Variants in NTM observed in about 807,000 individuals in gnomAD.
NTM encodes IgLON family member 2.
Under a neutral mutation model 42.1 loss-of-function variants are expected in NTM, and 13 were observed. The ratio of observed to expected loss-of-function variants is 0.31; its 90% CI spans 0.20 to 0.49. NTM has a LOEUF of 0.49. NTM is among the 20% of genes least tolerant of loss of function. The pLI, the probability that NTM is intolerant of heterozygous loss-of-function variation, is 0.99. For missense variants in NTM, 373 were observed against 452.8 expected (o/e 0.82, Z 1.60); for synonymous variants, 187 against 179.2 (o/e 1.04, Z -0.35).
chr11:132,181,155 A>G lies in NTM; in HGVS notation c.401-30867A>G, dbSNP rs545997773. The stretch of plus-strand genomic sequence containing the variant: ...CTTACTGATGATACTTTCTTTACCA[A>G]CTTTTCATGAAACTACTCCCTCTTG... On this transcript the variant is annotated intron_variant, in intron 3 of 8. Coordinates refer to ENST00000683400, the MANE Select transcript of NTM (RefSeq NM_001352005.2). Among the ~76,000 whole-genome samples, 48 of 152,194 alleles carry G rather than the reference A, an allele frequency of 3.2e-4. No individual in the cohort carries two copies. In the South Asian group the frequency reaches 9.6e-3, roughly 30 times the overall value.
In NTM at chr11:131,520,040, A is replaced by G. The variant is rs900516796; in HGVS notation, c.82+149152A>G. ...CTTTCAGGTCTTCATAGGAGGCTGC[A>G]CCTTTAGTTTTATTTCTGGGTTAGT... On this transcript the variant is annotated intron_variant, in intron 1 of 8. Transcript: ENST00000683400. Among the ~76,000 whole-genome samples, 8 of 152,190 alleles carry G rather than the reference A, an allele frequency of 5.3e-5. No homozygotes were observed. The South Asian group carries it at 6.2e-4, about 12-fold the overall frequency.
intron 1 of NTM, among the ~76,000 whole-genome samples, chr11:131,706,800 A>G (rs2076637021): frequency 6.6e-6 from 1 of 152,044 alleles, no homozygotes; most frequent in African/African-American, 2.4e-5. Context: ...ACATGAAAAC[A>G]TAACATACCA....
At chr11:131,524,034 G>A (rs527961477) in intron 1 of NTM, among the ~76,000 whole-genome samples, 24 of 152,150 alleles carry the variant, frequency 1.6e-4, no homozygotes, top group Non-Finnish European at 3.1e-4. Context: ...CTTTGGTCTA[G>A]TTAGCTTCTG....
chr11:131,996,455 C>A (rs1334331549), intron 2 of NTM, among the ~76,000 whole-genome samples: 3 of 152,164 alleles, frequency 2.0e-5, no homozygotes, highest in Admixed American at 1.3e-4. Context: ...GTGCAGTTCC[C>A]TCTACCTGAA....
intron 3 of NTM, among the ~76,000 whole-genome samples, chr11:132,187,526 A>G (rs2078624608): frequency 6.6e-6 from 1 of 152,172 alleles, no homozygotes; most frequent in Non-Finnish European, 1.5e-5. Flanking sequence ...TGAAGGATTC[A>G]TTACAGTGCT....
intron 7 of NTM, among the ~76,000 whole-genome samples, chr11:132,320,607 C>G (rs2095540940): frequency 6.6e-6 from 1 of 152,170 alleles, no homozygotes; most frequent in Non-Finnish European, 1.5e-5. Context: ...GGAGGGGTGC[C>G]CGCCATTGCC....
chr11:132,205,019 A>C (rs2081756570), intron 3 of NTM, among the ~76,000 whole-genome samples: 1 of 152,204 alleles, frequency 6.6e-6, no homozygotes, highest in Admixed American at 6.5e-5. Context: ...TGGAAGCCAG[A>C]AAGGTTAAGA....
intron 1 of NTM, among the ~76,000 whole-genome samples, chr11:131,656,126 C>T (rs1228384273): frequency 2.6e-5 from 4 of 152,234 alleles, no homozygotes; most frequent in East Asian, 1.9e-4. Context: ...AGTGCCAGAC[C>T]TCACGCTCTA....
At chr11:132,036,577 C>T (rs1367274682) in intron 2 of NTM, among the ~76,000 whole-genome samples, 1 of 152,132 alleles carries the variant, frequency 6.6e-6, no homozygotes, top group Admixed American at 6.5e-5. Flanking sequence ...TGCCCAATGT[C>T]ACCAAGCGAA....
intron 4 of NTM, among the ~76,000 whole-genome samples, chr11:132,280,397 G>A (rs1201921801): frequency 2.0e-5 from 3 of 151,102 alleles, no homozygotes; most frequent in African/African-American, 4.9e-5. Context: ...TTTAGTTTTC[G>A]GGTGAACTTA....
intron 1 of NTM, among the ~76,000 whole-genome samples, chr11:131,829,859 T>C (rs918295921): frequency 1.3e-5 from 2 of 152,162 alleles, no homozygotes; most frequent in Admixed American, 1.3e-4. Context: ...TTTGACTTTT[T>C]AATAATAGCC....
At chr11:132,224,861 C>T (rs2085880619) in intron 4 of NTM, among the ~76,000 whole-genome samples, 1 of 152,168 alleles carries the variant, frequency 6.6e-6, no homozygotes, top group Non-Finnish European at 1.5e-5. Context: ...GAAAGACGAC[C>T]AGGTTTCTGG....
intron 2 of NTM, among the ~76,000 whole-genome samples, chr11:132,021,863 C>T (rs1329607645): frequency 6.6e-6 from 1 of 152,200 alleles, no homozygotes; most frequent in Admixed American, 6.5e-5. Flanking sequence ...CCTACTGAGT[C>T]CTGTCATGTC....
intron 2 of NTM, among the ~76,000 whole-genome samples, chr11:132,010,730 G>C (rs1342995166): frequency 1.3e-5 from 2 of 151,862 alleles, no homozygotes; most frequent in Non-Finnish European, 2.9e-5. Context: ...GACTTGGTCA[G>C]GTGTCTTTCT....
At chr11:131,652,088 C>A (rs1592371244) in intron 1 of NTM, among the ~76,000 whole-genome samples, 1 of 48,632 alleles carries the variant, frequency 2.1e-5, no homozygotes, top group East Asian at 1.1e-3. Flanking sequence ...GAGTTCTAGA[C>A]TTATGAGTTA....
chr11:131,696,980 G>C (rs972034568), intron 1 of NTM, among the ~76,000 whole-genome samples: 1 of 152,188 alleles, frequency 6.6e-6, no homozygotes, highest in Non-Finnish European at 1.5e-5. Context: ...ACAAGAACCC[G>C]TTTCGTTAGT....
intron 1 of NTM, among the ~76,000 whole-genome samples, chr11:131,755,042 G>T (rs905558010): frequency 6.6e-6 from 1 of 152,182 alleles, no homozygotes; most frequent in African/African-American, 2.4e-5. Context: ...GGGCTAAAGA[G>T]CCTTGGGTAT....
chr11:132,152,239 G>A (rs1427911199), intron 3 of NTM, among the ~76,000 whole-genome samples: 2 of 152,204 alleles, frequency 1.3e-5, no homozygotes, highest in Non-Finnish European at 2.9e-5. Context: ...CCTTCTGGCA[G>A]GACAAGGCTC....
intron 1 of NTM, among the ~76,000 whole-genome samples, chr11:131,393,272 G>T (rs1216736824): frequency 6.6e-6 from 1 of 152,084 alleles, no homozygotes; most frequent in African/African-American, 2.4e-5. Context: ...AAGCCCCATG[G>T]GCCTGTGTGA....
Sources: allele counts gnomAD v4.1 joint callset (sites outside exome capture counted in the v4.1 genomes callset), GRCh38; gene constraint gnomAD v4.1.1; transcripts MANE v1.5; gene names NCBI Gene and HGNC (gene_info 2026-07-23, HGNC 2026-07-21).